SSH2: variants seen among roughly 807,000 people sequenced by gnomAD.
The protein encoded by SSH2 is slingshot protein phosphatase 2.
In SSH2, 37 loss-of-function variants were observed where a neutral mutation model predicts 135.2. The observed-to-expected ratio is 0.27, with a 90% CI of 0.21 to 0.36. SSH2 has a LOEUF of 0.36. Ranked by LOEUF, SSH2 falls within the 10% of genes least tolerant of loss-of-function variation. The pLI is 1.00. For synonymous variants in SSH2, 628 were observed against 646.2 expected (o/e 0.97, Z 0.43); for missense variants, 1,408 against 1,765.3 (o/e 0.80, Z 3.63).
intron 3 of SSH2, among the ~76,000 whole-genome samples, chr17:29,739,427 C>T (rs576056256): frequency 5.9e-5 from 9 of 152,254 alleles, no homozygotes; most frequent in African/African-American, 2.2e-4. Context: ...CTGCTCACAA[C>T]CTTTTACTAG....
chr17:29,633,084 T>C lies in SSH2; in HGVS notation c.2263-153A>G, dbSNP rs2035756954. Among the ~76,000 whole-genome samples, 4 of 152,262 alleles carry C rather than the reference T, an allele frequency of 2.6e-5. No homozygotes were observed. In the South Asian group the frequency reaches 8.3e-4, roughly 32 times the overall value. Reference sequence around the variant, plus strand: ...CCTGGGACCACACTCTGCCCATCTGTTTTGTCAGACTACAAGAAAAAACTG... The same window carrying C: ...CCTGGGACCACACTCTGCCCATCTGCTTTGTCAGACTACAAGAAAAAACTG... On this transcript the variant is annotated intron_variant, in intron 15 of 15. Coordinates refer to ENST00000540801, the MANE Select transcript of SSH2 (RefSeq NM_001282129.2).
chr17:29,631,191 G>A lies in SSH2; in HGVS notation c.4003C>T (p.Leu1335=). The A allele has an allele frequency of 6.2e-7, 1 of 1,614,096 alleles. No homozygotes were observed. Among genetic ancestry groups the A allele is most frequent in the Non-Finnish European group, 8.5e-7 (1 of 1,180,014 alleles). ...GMHAMEDQES[L]ENPGAPHNPE... ...TTGTGGGGGGCACCTGGGTTTTCTA[G>A]GGACTCTTGGTCCTCCATCGCGTGC... is the stretch of plus-strand genomic sequence containing the variant. Residue 1335 remains leucine, a synonymous_variant, in exon 16 of 16, where the codon CTA becomes TTA. Coordinates refer to ENST00000540801, the MANE Select transcript of SSH2 (RefSeq NM_001282129.2).
intron 12 of SSH2, among the ~76,000 whole-genome samples, chr17:29,652,147 A>C (rs1342527440): frequency 6.6e-6 from 1 of 152,184 alleles, no homozygotes. Context: ...AGTCTCAAAA[A>C]CAAAAAAAAA....
In SSH2 at chr17:29,828,666, T is replaced by C. The variant is rs117670565; in HGVS notation, c.144+20183A>G. Among the ~76,000 whole-genome samples the C allele has an allele frequency of 9.4e-4, 143 of 152,326 alleles. 3 individuals are homozygous for C. The East Asian group carries it at 0.022, about 23-fold the overall frequency. Reference sequence around the variant, plus strand: ...AATAAATCAATGGTATTTAAATCCTTTGTGAAGCTAGAACAATCTATTTTG... The same window carrying C: ...AATAAATCAATGGTATTTAAATCCTCTGTGAAGCTAGAACAATCTATTTTG... On this transcript the variant is annotated intron_variant, in intron 2 of 15. Transcript: ENST00000540801.
intron 3 of SSH2, among the ~76,000 whole-genome samples, chr17:29,755,118 A>G (rs373643444): frequency 2.0e-5 from 3 of 152,214 alleles, no homozygotes; most frequent in African/African-American, 7.2e-5. Context: ...GGACTGGATA[A>G]TAGCTCTCTA....
At chr17:29,702,225 T>C (rs1389925749) in intron 4 of SSH2, among the ~76,000 whole-genome samples, 1 of 152,008 alleles carries the variant, frequency 6.6e-6, no homozygotes, top group Non-Finnish European at 1.5e-5. Context: ...TGGTGGTGCA[T>C]GCCTGTAGTC....
At chr17:29,637,942 C>T (rs809513) in intron 14 of SSH2, among the ~76,000 whole-genome samples, 1 of 151,862 alleles carries the variant, frequency 6.6e-6, no homozygotes, top group Non-Finnish European at 1.5e-5. Flanking sequence ...GGTGAAACCC[C>T]GTCTCTACTA....
intron 1 of SSH2, among the ~76,000 whole-genome samples, chr17:29,850,019 G>C (rs1407928112): frequency 1.7e-5 from 2 of 114,702 alleles, no homozygotes; most frequent in Non-Finnish European, 1.7e-5. Context: ...GACAGTGCAA[G>C]ACTCCATCTC....
intron 3 of SSH2, among the ~76,000 whole-genome samples, chr17:29,751,598 C>A (rs887763242): frequency 1.3e-5 from 2 of 152,250 alleles, no homozygotes; most frequent in East Asian, 1.9e-4. Flanking sequence ...AGCATCACCA[C>A]AAACACATGA....
chr17:29,766,469 T>A lies in SSH2; in HGVS notation c.188+27425A>T, dbSNP rs554247238. 3.8e-3 allele frequency among the ~76,000 whole-genome samples: 571 copies of A among 150,286 alleles called. 8 individuals carry two copies. Among genetic ancestry groups the A allele is most frequent in the Non-Finnish European group, 1.5e-3 (99 of 67,622 alleles). On this transcript the variant is annotated intron_variant, in intron 3 of 15. Coordinates refer to ENST00000540801, the MANE Select transcript of SSH2 (RefSeq NM_001282129.2). ...TGAGACGCTGTCTCAAAAAAAAAAA[T>A]AATAATAATAAAGAAAAAAATAAAA... is the stretch of plus-strand genomic sequence containing the variant.
At chr17:29,708,720 G>A (rs1471499147) in intron 3 of SSH2, among the ~76,000 whole-genome samples, 1 of 151,522 alleles carries the variant, frequency 6.6e-6, no homozygotes, top group Non-Finnish European at 1.5e-5. Context: ...ACTCTATGAA[G>A]TCATTTGTAT....
intron 3 of SSH2, among the ~76,000 whole-genome samples, chr17:29,739,670 C>A (rs941384730): frequency 2.3e-4 from 35 of 152,152 alleles, no homozygotes; most frequent in African/African-American, 8.4e-4. Flanking sequence ...TTTCCTAATG[C>A]TCCATCAGAT....
chr17:29,854,903 C>T (rs780534149), intron 1 of SSH2, among the ~76,000 whole-genome samples: 3 of 152,102 alleles, frequency 2.0e-5, no homozygotes, highest in Admixed American at 6.5e-5. Context: ...GCCGAGATTG[C>T]GCCACTGCAC....
intron 1 of SSH2, among the ~76,000 whole-genome samples, chr17:29,891,941 A>G (rs1173939163): frequency 6.6e-6 from 1 of 152,190 alleles, no homozygotes; most frequent in African/African-American, 2.4e-5. Flanking sequence ...ATAGCTGAAG[A>G]TATCTACCAC....
At chr17:29,914,257 C>T (rs1181178231) in intron 1 of SSH2, among the ~76,000 whole-genome samples, 2 of 152,158 alleles carry the variant, frequency 1.3e-5, no homozygotes, top group African/African-American at 4.8e-5. Flanking sequence ...ACACCTATCT[C>T]GACTGCCAAA....
At chr17:29,669,698 A>G (rs776026078) in intron 9 of SSH2, among the ~76,000 whole-genome samples, 23 of 152,142 alleles carry the variant, frequency 1.5e-4, no homozygotes, top group Non-Finnish European at 2.8e-4. Flanking sequence ...AGAAGTTCTT[A>G]AGATATATCT....
chr17:29,707,041 C>G (rs529197694), intron 3 of SSH2: 1 of 152,060 alleles, frequency 6.6e-6, no homozygotes, highest in Admixed American at 6.6e-5. Flanking sequence ...GTAGTCCCAG[C>G]TACTCGGGGG....
intron 1 of SSH2, among the ~76,000 whole-genome samples, chr17:29,924,468 C>T (rs933118590): frequency 1.3e-5 from 2 of 152,168 alleles, no homozygotes; most frequent in Non-Finnish European, 2.9e-5. Context: ...ATCCTGATCG[C>T]TTAAATCAAG....
chr17:29,739,056 A>G (rs1210147029), intron 3 of SSH2, among the ~76,000 whole-genome samples: 1 of 152,232 alleles, frequency 6.6e-6, no homozygotes. Context: ...ACAGAAGGAA[A>G]CACTATCGCA....
Sources: allele counts gnomAD v4.1 joint callset (sites outside exome capture counted in the v4.1 genomes callset), GRCh38; gene constraint gnomAD v4.1.1; transcripts MANE v1.5; gene names NCBI Gene and HGNC (gene_info 2026-07-23, HGNC 2026-07-21).